Variants in USO1 observed in about 807,000 individuals in gnomAD.
The protein encoded by USO1 is USO1 vesicle transport factor.
A neutral mutation model predicts 124.5 loss-of-function variants in USO1; 57 were observed. That is an observed-to-expected ratio of 0.46 (90% CI 0.37 to 0.57). USO1 has a LOEUF of 0.57. Ranked by LOEUF, USO1 falls within the 20% of genes least tolerant of loss-of-function variation. The probability of loss-of-function intolerance (pLI) is 0.00; values close to 1 mark genes in which losing one functional copy is unlikely to be tolerated. For synonymous variants in USO1, 369 were observed against 362.8 expected (o/e 1.02, Z -0.19); for missense variants, 900 against 1,040.6 (o/e 0.86, Z 1.86).
In USO1 at chr4:75,757,538, A is replaced by G. The variant is rs376427062; in HGVS notation, c.260A>G (p.Tyr87Cys). 36 of 1,497,252 alleles carry G rather than the reference A, an allele frequency of 2.4e-5. No individual in the cohort carries two copies. The highest frequency in any genetic ancestry group is 1.9e-4 in the African/African-American group (13 of 69,486). 92.7% of individuals were successfully genotyped at this position (1,497,252 alleles called of 1,614,324 possible). A position where few individuals can be genotyped will look rare whatever the true frequency, so the allele number is the denominator to read the frequency against. The change falls in exon 4 of 24, where the codon TAT (tyrosine) becomes TGT (cysteine). Residue 87 changes from tyrosine (Y) to cysteine (C), a missense_variant. Transcript: ENST00000514213. ...ATAGGTTATGCTTTGGACACACTAT[A>G]TAATATAATATCTAATGAAGAAGAA... ...EIIGYALDTL[Y>C]NIISNEEEEE...
rs1260031301 is a variant in USO1 at position 75,813,569 on chromosome 4, G to A, written c.*274G>A. On this transcript the variant is annotated 3_prime_UTR_variant, in exon 24 of 24. Transcript: ENST00000514213. ...AACACCAAAAATATACCATTTTAAG[G>A]CATGTGGTGACAATGCTATTTGCCT... 2.9e-5 allele frequency: 7 copies of A among 243,466 alleles called. No homozygotes were observed. The highest frequency in any genetic ancestry group is 4.6e-5 in the Non-Finnish European group (6 of 129,862). The allele number at this position is 243,466 out of a possible 1,614,324, so 15.1% of individuals were successfully genotyped here. A position where few individuals can be genotyped will look rare whatever the true frequency, so the allele number is the denominator to read the frequency against.
At chr4:75,770,395 T>C (rs1721886805) in intron 4 of USO1, 44 bp from the exon 5 acceptor site, 2 of 1,471,762 alleles carry the variant, frequency 1.4e-6, no homozygotes. Context: ...TATTTTAAAA[T>C]AACCTACTAT....
chr4:75,753,592 C>T (rs1034294239), intron 3 of USO1, among the ~76,000 whole-genome samples: 3 of 151,828 alleles, frequency 2.0e-5, no homozygotes, highest in Non-Finnish European at 4.4e-5. Context: ...TTGTCACATA[C>T]CTGTGGTCCC....
intron 4 of USO1, among the ~76,000 whole-genome samples, chr4:75,761,157 AATT>A (rs945236721): frequency 3.3e-5 from 5 of 152,216 alleles, no homozygotes; most frequent in African/African-American, 1.2e-4. Flanking sequence ...CAAAAAAAAA[AATT>A]AATAAATAAA....
chr4:75,757,013 C>T (rs1171710412), intron 3 of USO1, among the ~76,000 whole-genome samples: 1 of 151,610 alleles, frequency 6.6e-6, no homozygotes, highest in Non-Finnish European at 1.5e-5. Flanking sequence ...CTGAGTCATG[C>T]TAGTTTTGCT....
rs1720340555 is a variant in USO1, at chr4:75,724,760, G to A, written c.-60G>A. 1 of 1,580,368 alleles carries A rather than the reference G, an allele frequency of 6.3e-7. No individual in the cohort carries two copies. The highest frequency in any genetic ancestry group is 8.7e-7 in the Non-Finnish European group (1 of 1,152,874). The stretch of plus-strand genomic sequence containing the variant: ...TGGGGCCCAGGCCCTGCGGAGGGCG[G>A]GGGAAGTTGTCTTCTTTTTTTTCCG... On this transcript the variant is annotated 5_prime_UTR_variant, in exon 1 of 24. Transcript: ENST00000514213.
chr4:75,732,257 G>A (rs1345384095), intron 1 of USO1, among the ~76,000 whole-genome samples: 1 of 152,154 alleles, frequency 6.6e-6, no homozygotes, highest in Non-Finnish European at 1.5e-5. Flanking sequence ...AGGAAATGCA[G>A]TATTTGGTTT....
At chr4:75,785,265 T>C (rs954098457) in intron 9 of USO1, among the ~76,000 whole-genome samples, 5 of 152,332 alleles carry the variant, frequency 3.3e-5, no homozygotes, top group Admixed American at 2.6e-4. Context: ...AAAAACAGAA[T>C]TGATCTGCTT....
rs1436004459 is a variant in USO1, at chr4:75,760,751, G to A, written c.295+3178G>A. The A allele has an allele frequency of 2.3e-5, 9 of 386,860 alleles. No individual in the cohort carries two copies. In the South Asian group the frequency reaches 4.3e-4, roughly 18 times the overall value. The allele number at this position is 386,860 out of a possible 1,614,324, so 24.0% of individuals were successfully genotyped here. A position where few individuals can be genotyped will look rare whatever the true frequency, so the allele number is the denominator to read the frequency against. Reference sequence around the variant, plus strand: ...TATATAAGAATTCTTTAATTGAAGAGGAATATTTTAATAAACTTACATTAC... The same window carrying A: ...TATATAAGAATTCTTTAATTGAAGAAGAATATTTTAATAAACTTACATTAC... On this transcript the variant is annotated intron_variant, in intron 4 of 23. Transcript: ENST00000514213.
At chr4:75,731,388 C>T (rs940893942) in intron 1 of USO1, among the ~76,000 whole-genome samples, 2 of 152,042 alleles carry the variant, frequency 1.3e-5, no homozygotes, top group African/African-American at 4.8e-5. Flanking sequence ...ATGACGAAAC[C>T]CTGTCTCTGC....
At chr4:75,742,080 G>C (rs1251462139) in intron 1 of USO1, among the ~76,000 whole-genome samples, 1 of 152,174 alleles carries the variant, frequency 6.6e-6, no homozygotes, top group African/African-American at 2.4e-5. Flanking sequence ...CTTCTTGAAG[G>C]ACCTGCCTGA....
chr4:75,755,187 A>G (rs1055933952), intron 3 of USO1, among the ~76,000 whole-genome samples: 3 of 152,244 alleles, frequency 2.0e-5, no homozygotes, highest in Admixed American at 1.3e-4. Context: ...AGAGTCATGT[A>G]CTGGCAATCC....
At chr4:75,802,681 A>G (rs1722881651) in intron 17 of USO1, among the ~76,000 whole-genome samples, 1 of 147,766 alleles carries the variant, frequency 6.8e-6, no homozygotes, top group Non-Finnish European at 1.5e-5. Context: ...ATGCAATACA[A>G]TTTATATTCA....
In USO1 at chr4:75,741,891, G is replaced by A. The variant is rs375241226; in HGVS notation, c.67-10482G>A. Among the ~76,000 whole-genome samples, 139 of 152,042 alleles carry A rather than the reference G, an allele frequency of 9.1e-4. 2 individuals carry two copies. The South Asian group carries it at 0.028, about 30-fold the overall frequency. On this transcript the variant is annotated intron_variant, in intron 1 of 23. Transcript: ENST00000514213. ...ATTATAGGCGTGAGCTACCATGCCCGGCCACTTTTTTGTTAAAAACTAAGA... is the reference window on the plus strand; with the variant it reads ...ATTATAGGCGTGAGCTACCATGCCCAGCCACTTTTTTGTTAAAAACTAAGA...
intron 8 of USO1, among the ~76,000 whole-genome samples, chr4:75,779,338 A>C (rs1488776906): frequency 6.6e-6 from 1 of 152,214 alleles, no homozygotes; most frequent in Non-Finnish European, 1.5e-5. Context: ...TTTAATCAAA[A>C]GCTAGAAATG....
At chr4:75,733,930 C>T (rs1008222265) in intron 1 of USO1, among the ~76,000 whole-genome samples, 7 of 131,444 alleles carry the variant, frequency 5.3e-5, no homozygotes, top group Admixed American at 1.7e-4. Flanking sequence ...AGATTTTCTT[C>T]GAGGATTTTT....
chr4:75,745,403 T>G (rs1721095840), intron 1 of USO1: 1 of 507,172 alleles, frequency 2.0e-6, no homozygotes, highest in African/African-American at 2.0e-5. Flanking sequence ...TATGTTCCTT[T>G]GTTACTAAAA....
chr4:75,791,890 C>CAAA (rs1222392260), intron 12 of USO1, among the ~76,000 whole-genome samples: 2 of 152,012 alleles, frequency 1.3e-5, no homozygotes, highest in East Asian at 1.9e-4. Context: ...CAAAATGTGG[C>CAAA]ATTTCCTTAA....
chr4:75,801,154 A>G lies in USO1; in HGVS notation c.1940A>G (p.Gln647Arg). ...GAAGAGGTGAAAAAAACATTAGAAC[A>G]GCATGACAATATTGTGACTCACTAC... is the stretch of plus-strand genomic sequence containing the variant. ...KEEEVKKTLEQHDNIVTHYKN... is the reference protein window; with the variant it reads ...KEEEVKKTLERHDNIVTHYKN... Residue 647 changes from glutamine to arginine, a missense_variant, in exon 17 of 24, where the codon CAG (glutamine) becomes CGG (arginine). This residue lies in a region of USO1 where 362 missense variants were observed against 359.0 expected (regional missense o/e 1.01). Coordinates refer to ENST00000514213, the MANE Select transcript of USO1 (RefSeq NM_003715.4). 1.2e-6 allele frequency: 2 copies of G among 1,611,574 alleles called. No homozygotes were observed. The highest frequency in any genetic ancestry group is 1.7e-6 in the Non-Finnish European group (2 of 1,178,886).
Sources: gnomAD v4.1 joint callset for allele counts (sites outside exome capture counted in the v4.1 genomes callset) on GRCh38, gnomAD v4.1.1 for gene constraint, gnomAD v4.1.1 regional missense constraint, MANE v1.5 for transcripts, NCBI Gene and HGNC (gene_info 2026-07-23, HGNC 2026-07-21) for gene names.